Variants in NIM1K observed in about 807,000 individuals in gnomAD.
NIM1K encodes the protein serine/threonine-protein kinase NIM1.
A neutral mutation model predicts 37.1 loss-of-function variants in NIM1K; 35 were observed. That is an observed-to-expected ratio of 0.94 (90% CI 0.72 to 1.25). The LOEUF is 1.25. Among genes scored for constraint, NIM1K ranks in the 50% most tolerant of loss-of-function variants. NIM1K has a pLI of 0.00. For missense variants in NIM1K, 564 were observed against 548.0 expected (o/e 1.03, Z -0.29); for synonymous variants, 234 against 206.6 (o/e 1.13, Z -1.14).
chr5:43,258,329 C>T (rs1752976756), intron 2 of NIM1K, among the ~76,000 whole-genome samples: 1 of 152,236 alleles, frequency 6.6e-6, no homozygotes, highest in Non-Finnish European at 1.5e-5. Flanking sequence ...GAATGTAGTA[C>T]CACAATTTAT....
rs1561096786 is a variant in NIM1K at position 43,277,161 on chromosome 5, A to G, written c.397A>G (p.Ile133Val). Reference sequence around the variant, plus strand: ...CATGGAAAAGCTGCACCATCCCAACATCATCCGCCTTTACGAAGTGGTGGA... The same window carrying G: ...CATGGAAAAGCTGCACCATCCCAACGTCATCCGCCTTTACGAAGTGGTGGA... ...SSMEKLHHPN[I>V]IRLYEVVETL... Residue 133 changes from isoleucine to valine, a missense_variant, in exon 3 of 4, where the codon ATC (isoleucine) becomes GTC (valine). Physicochemically the swap from Ile to Val is conservative, Grantham distance 29. Transcript: ENST00000326035. 6.2e-7 allele frequency: 1 copy of G among 1,614,100 alleles called. No individual in the cohort carries two copies. The highest frequency in any genetic ancestry group is 8.5e-7 in the Non-Finnish European group (1 of 1,180,010).
intron 1 of NIM1K, chr5:43,207,806 C>T: frequency 2.5e-6 from 1 of 398,060 alleles, no homozygotes; most frequent in East Asian, 5.6e-5. Flanking sequence ...GAAAGCTAAA[C>T]CTTAAAGATG....
intron 2 of NIM1K, among the ~76,000 whole-genome samples, chr5:43,254,444 T>C (rs528391652): frequency 1.3e-4 from 20 of 152,338 alleles, no homozygotes; most frequent in African/African-American, 4.8e-4. Context: ...TGTAGTGACA[T>C]CTTGGGAGTC....
chr5:43,221,655 C>T (rs984095925), intron 1 of NIM1K, among the ~76,000 whole-genome samples: 17 of 152,098 alleles, frequency 1.1e-4, no homozygotes, highest in Non-Finnish European at 2.4e-4. Flanking sequence ...GCACAGAAAA[C>T]GGAAGTGAGG....
intron 1 of NIM1K, among the ~76,000 whole-genome samples, chr5:43,243,845 C>A (rs1002634269): frequency 2.0e-5 from 3 of 152,024 alleles, no homozygotes; most frequent in Middle Eastern, 3.2e-3. Flanking sequence ...AGGGGTACAC[C>A]ACCACACCCT....
chr5:43,257,111 C>CTAGGGAGGTGAAAAGGAGGG lies in NIM1K; in HGVS notation c.292+11051_292+11052insGTGAAAAGGAGGGTAGGGAG, dbSNP rs1355438481. On this transcript the variant is annotated intron_variant, in intron 2 of 3. Transcript: ENST00000326035. The stretch of plus-strand genomic sequence containing the variant: ...GGAGGCTAGGGAGGTGAAAAGGAGG[C>CTAGGGAGGTGAAAAGGAGGG]TAGGGAGATGAACACAGCTAAGGAG... Among the ~76,000 whole-genome samples, 6 of 151,930 alleles carry CTAGGGAGGTGAAAAGGAGGG rather than the reference C, an allele frequency of 3.9e-5. No individual in the cohort carries two copies. The East Asian group carries it at 9.7e-4, about 25-fold the overall frequency.
At chr5:43,263,878 A>G (rs902137413) in intron 2 of NIM1K, among the ~76,000 whole-genome samples, 2 of 152,166 alleles carry the variant, frequency 1.3e-5, no homozygotes, top group African/African-American at 4.8e-5. Flanking sequence ...TTTGTTATGT[A>G]TCCAGTAGTC....
intron 2 of NIM1K, among the ~76,000 whole-genome samples, chr5:43,248,831 G>A (rs977938405): frequency 3.6e-4 from 54 of 151,276 alleles, no homozygotes; most frequent in Middle Eastern, 3.4e-3. Flanking sequence ...TCAGGCAGAA[G>A]CAGTTCCCAC....
At chr5:43,279,673 T>G (rs1312667903) in intron 3 of NIM1K, among the ~76,000 whole-genome samples, 1 of 152,226 alleles carries the variant, frequency 6.6e-6, no homozygotes, top group Non-Finnish European at 1.5e-5. Context: ...GATTACTGTT[T>G]CATTGTATTT....
chr5:43,196,086 C>T (rs916546793), intron 1 of NIM1K, among the ~76,000 whole-genome samples: 2 of 152,076 alleles, frequency 1.3e-5, no homozygotes, highest in African/African-American at 2.4e-5. Context: ...GCCACCCATC[C>T]AAGTGGTGTG....
chr5:43,263,478 C>T (rs1443960978), intron 2 of NIM1K, among the ~76,000 whole-genome samples: 8 of 150,352 alleles, frequency 5.3e-5, no homozygotes, highest in East Asian at 3.9e-4. Flanking sequence ...TTTTTTATTG[C>T]CTCTATTTGA....
rs73751057 is a variant in NIM1K at position 43,236,984 on chromosome 5, C to T, written c.-694-8098C>T. ...AGAGCTGAGCTAAAAGCAAAGATGA[C>T]GCAAATGATTTCAAAATGGTAAAAT... On this transcript the variant is annotated intron_variant, in intron 1 of 3. Transcript: ENST00000326035. Among the ~76,000 whole-genome samples, 417 of 152,310 alleles carry T rather than the reference C, an allele frequency of 2.7e-3. 5 individuals are homozygous for T. Among genetic ancestry groups the T allele is most frequent in the African/African-American group, 9.6e-3 (398 of 41,564 alleles).
At chr5:43,269,739 C>T (rs1753227071) in intron 2 of NIM1K, among the ~76,000 whole-genome samples, 2 of 152,004 alleles carry the variant, frequency 1.3e-5, no homozygotes, top group Admixed American at 6.6e-5. Flanking sequence ...CTGCCTCAGC[C>T]TCCCGAGTAG....
rs1380463270 is a variant in NIM1K, at chr5:43,236,662, CGTTTGAGTCT to C, written c.-694-8417_-694-8408del. Among the ~76,000 whole-genome samples the C allele has an allele frequency of 2.6e-5, 4 of 152,182 alleles. No homozygotes were observed. In the East Asian group the frequency reaches 7.7e-4, roughly 29 times the overall value. The stretch of plus-strand genomic sequence containing the variant: ...CGTAGAACTCCTGCACTGTTCTAGG[CGTTTGAGTCT>C]GTGGCATTGATGGCAAAGGGAACCT... On this transcript the variant is annotated intron_variant, in intron 1 of 3. Transcript: ENST00000326035.
chr5:43,247,580 G>A (rs904461410), intron 2 of NIM1K, among the ~76,000 whole-genome samples: 2 of 152,192 alleles, frequency 1.3e-5, no homozygotes, highest in African/African-American at 4.8e-5. Flanking sequence ...GAGAATTAGT[G>A]CCTAGAACCC....
At chr5:43,272,068 G>T (rs1310796811) in intron 2 of NIM1K, among the ~76,000 whole-genome samples, 2 of 152,136 alleles carry the variant, frequency 1.3e-5, no homozygotes, top group Non-Finnish European at 2.9e-5. Context: ...CCATTCACCA[G>T]CTGAGGACAT....
intron 1 of NIM1K, among the ~76,000 whole-genome samples, chr5:43,235,818 C>T (rs958531159): frequency 1.3e-5 from 2 of 151,102 alleles, no homozygotes; most frequent in Middle Eastern, 3.5e-3. Context: ...TATTTGACTA[C>T]GGACCTATGA....
intron 3 of NIM1K, 44 bp downstream of exon 3, chr5:43,277,369 A>G (rs1753361167): frequency 6.3e-7 from 1 of 1,581,420 alleles, no homozygotes; most frequent in Non-Finnish European, 8.6e-7. Context: ...CATTGCACTG[A>G]CACTGGGAGC....
At chr5:43,219,385 G>A (rs1223341889) in intron 1 of NIM1K, among the ~76,000 whole-genome samples, 1 of 152,032 alleles carries the variant, frequency 6.6e-6, no homozygotes. Flanking sequence ...TACAAGGCAT[G>A]AACCACCACA....
Sources: allele counts gnomAD v4.1 joint callset (sites outside exome capture counted in the v4.1 genomes callset), GRCh38; gene constraint gnomAD v4.1.1; transcripts MANE v1.5; gene names NCBI Gene and HGNC (gene_info 2026-07-23, HGNC 2026-07-21).